The following ZNF267 variants were observed in gnomAD, a reference collection of about 807,000 sequenced individuals.
ZNF267 encodes zinc finger protein 267, also known as zinc finger (C2H2).
In ZNF267, 61 loss-of-function variants were observed where a neutral mutation model predicts 71.6. That is an observed-to-expected ratio of 0.85 (90% CI 0.69 to 1.05). The LOEUF is 1.05. ZNF267 is among the 50% of genes least tolerant of loss of function. ZNF267 has a pLI of 0.00. For synonymous variants in ZNF267, 288 were observed against 293.2 expected (o/e 0.98, Z 0.18); for missense variants, 852 against 870.0 (o/e 0.98, Z 0.26).
chr16:31,911,128 T>C (rs781096194), intron 3 of ZNF267, among the ~76,000 whole-genome samples: 1 of 151,656 alleles, frequency 6.6e-6, no homozygotes, highest in African/African-American at 2.4e-5. Context: ...AAATTATCTA[T>C]GTGCTGAGAA....
At chr16:31,913,130 T>C (rs1362684619) in intron 3 of ZNF267, 1 of 152,206 alleles carries the variant, frequency 6.6e-6, no homozygotes, top group Non-Finnish European at 1.5e-5. Context: ...GGGCTTTGTG[T>C]CCACCCTTGT....
At chr16:31,895,035 G>T in intron 3 of ZNF267, 1 of 270,524 alleles carries the variant, frequency 3.7e-6, no homozygotes, top group Non-Finnish European at 7.2e-6. Flanking sequence ...CCGGACCCAT[G>T]GCTCCCACTT....
chr16:31,895,347 C>T (rs1596621097), intron 3 of ZNF267, among the ~76,000 whole-genome samples: 1 of 152,214 alleles, frequency 6.6e-6, no homozygotes, highest in Non-Finnish European at 1.5e-5. Flanking sequence ...ACGTACAGCA[C>T]ATTTTCATTA....
chr16:31,897,551 T>C (rs1031377941), intron 3 of ZNF267, among the ~76,000 whole-genome samples: 5 of 152,172 alleles, frequency 3.3e-5, no homozygotes, highest in Non-Finnish European at 7.4e-5. Context: ...GTCTCCTTTT[T>C]TTCCCCCCAA....
chr16:31,900,680 G>T (rs890878399), intron 3 of ZNF267, among the ~76,000 whole-genome samples: 11 of 150,934 alleles, frequency 7.3e-5, no homozygotes, highest in African/African-American at 2.7e-4. Flanking sequence ...TCCTGACCTC[G>T]TGATCCACCC....
At chr16:31,911,951 CTACCTT>C (rs1433252906) in intron 3 of ZNF267, 2 of 151,544 alleles carry the variant, frequency 1.3e-5, no homozygotes, top group Non-Finnish European at 2.9e-5. Context: ...AGTAAAAACT[CTACCTT>C]TAACTTTGCT....
intron 3 of ZNF267, among the ~76,000 whole-genome samples, chr16:31,889,364 A>C (rs1307687248): frequency 1.3e-5 from 2 of 151,860 alleles, no homozygotes; most frequent in Non-Finnish European, 1.5e-5. Context: ...TAGATTGCTT[A>C]TTTGAGATCT....
chr16:31,893,322 C>T (rs2142342455), intron 3 of ZNF267, among the ~76,000 whole-genome samples: 1 of 152,340 alleles, frequency 6.6e-6, no homozygotes, highest in African/African-American at 2.4e-5. Flanking sequence ...CCCAGGAAAC[C>T]ACCTTTTCCT....
intron 1 of ZNF267, among the ~76,000 whole-genome samples, chr16:31,883,166 C>T (rs1373361992): frequency 6.6e-6 from 1 of 151,684 alleles, no homozygotes; most frequent in Non-Finnish European, 1.5e-5. Flanking sequence ...TGTCTATTGT[C>T]TTAAAATTCT....
intron 3 of ZNF267, among the ~76,000 whole-genome samples, chr16:31,891,927 T>C (rs1250262109): frequency 2.0e-5 from 3 of 152,168 alleles, no homozygotes; most frequent in African/African-American, 7.2e-5. Context: ...TAGAACAGTT[T>C]GGAGGGCTCA....
At chr16:31,891,909 G>T (rs923371764) in intron 3 of ZNF267, among the ~76,000 whole-genome samples, 2 of 152,212 alleles carry the variant, frequency 1.3e-5, no homozygotes, top group African/African-American at 4.8e-5. Flanking sequence ...TGGGTAGCAG[G>T]CAGAGATTAG....
chr16:31,882,175 C>T lies in ZNF267; in HGVS notation c.4-2323C>T, dbSNP rs531280382. 9.8e-5 allele frequency among the ~76,000 whole-genome samples: 15 copies of T among 152,296 alleles called. No homozygotes were observed. The East Asian group carries it at 2.7e-3, about 27-fold the overall frequency. On this transcript the variant is annotated intron_variant, in intron 1 of 3. Coordinates refer to ENST00000300870, the MANE Select transcript of ZNF267 (RefSeq NM_003414.6). Reference sequence around the variant, plus strand: ...ACCATGTGATGTTCCCAGCACAGTACATACTGTGAGCACATAGTACAAGCT... The same window carrying T: ...ACCATGTGATGTTCCCAGCACAGTATATACTGTGAGCACATAGTACAAGCT...
rs1168226760 is a variant in ZNF267, at chr16:31,892,342, C to T, written c.226+7086C>T. Among the ~76,000 whole-genome samples, 8 of 152,268 alleles carry T rather than the reference C, an allele frequency of 5.3e-5. No homozygotes were observed. The East Asian group carries it at 1.2e-3, about 22-fold the overall frequency. ...ACCTGCCCCCATGATTCAGTTACCTCCGACCAGGTCCCTCCCACAACACAT... is the reference window on the plus strand; with the variant it reads ...ACCTGCCCCCATGATTCAGTTACCTTCGACCAGGTCCCTCCCACAACACAT... On this transcript the variant is annotated intron_variant, in intron 3 of 3. Coordinates refer to ENST00000300870, the MANE Select transcript of ZNF267 (RefSeq NM_003414.6).
intron 3 of ZNF267, among the ~76,000 whole-genome samples, chr16:31,904,504 CTCT>C (rs2084070821): frequency 6.6e-6 from 1 of 152,196 alleles, no homozygotes. Context: ...GGATAGTTAG[CTCT>C]TCTTGTTGAA....
At chr16:31,905,940 G>A (rs895254567) in intron 3 of ZNF267, among the ~76,000 whole-genome samples, 1 of 152,102 alleles carries the variant, frequency 6.6e-6, no homozygotes, top group Non-Finnish European at 1.5e-5. Flanking sequence ...CTTTGATGAT[G>A]GTGACGTACA....
At chr16:31,891,757 C>T (rs1413075862) in intron 3 of ZNF267, among the ~76,000 whole-genome samples, 1 of 152,164 alleles carries the variant, frequency 6.6e-6, no homozygotes, top group Non-Finnish European at 1.5e-5. Context: ...TCCACTAAAC[C>T]TCTTTCTTTT....
At chr16:31,907,965 C>T (rs984519949) in intron 3 of ZNF267, among the ~76,000 whole-genome samples, 10 of 151,724 alleles carry the variant, frequency 6.6e-5, no homozygotes, top group Non-Finnish European at 1.3e-4. Context: ...ATGGCCTGAA[C>T]CCGGGAGGTG....
At chr16:31,909,841 TCTTAGAGAAAAGA>T (rs1460847612) in intron 3 of ZNF267, among the ~76,000 whole-genome samples, 2 of 152,254 alleles carry the variant, frequency 1.3e-5, no homozygotes, top group Non-Finnish European at 2.9e-5. Flanking sequence ...ATGTTCCAGA[TCTTAGAGAAAAGA>T]CTTTCAGATT....
In ZNF267 at chr16:31,885,831, TTCAACTTCTCATTTTTTC is replaced by T. The variant is rs779147782; in HGVS notation, c.226+579_226+596del. 1.8e-3 allele frequency among the ~76,000 whole-genome samples: 270 copies of T among 152,384 alleles called. 2 individuals carry two copies. The highest frequency in any genetic ancestry group is 2.9e-3 in the Admixed American group (45 of 15,306). On this transcript the variant is annotated intron_variant, in intron 3 of 3. Transcript: ENST00000300870. Reference sequence around the variant, plus strand: ...AAGAAAATCTAATCTTATGTTTCACTTCAACTTCTCATTTTTTCTCACCTGAACTAAGATGAGAAATTT... The same window carrying T: ...AAGAAAATCTAATCTTATGTTTCACTTCACCTGAACTAAGATGAGAAATTT...
Sources: allele counts gnomAD v4.1 joint callset (sites outside exome capture counted in the v4.1 genomes callset), GRCh38; gene constraint gnomAD v4.1.1; transcripts MANE v1.5; gene names NCBI Gene and HGNC (gene_info 2026-07-23, HGNC 2026-07-21).